The following GIGYF2 variants were observed in gnomAD, a reference collection of about 807,000 sequenced individuals.
GIGYF2 encodes the protein GRB10-interacting GYF protein 2.
In GIGYF2, 25 loss-of-function variants were observed where a neutral mutation model predicts 208.1. The ratio of observed to expected loss-of-function variants is 0.12; its 90% CI spans 0.09 to 0.17. The LOEUF is 0.17. Among genes scored for constraint, GIGYF2 ranks in the 10% least tolerant of loss-of-function variants. The pLI, the probability that GIGYF2 is intolerant of heterozygous loss-of-function variation, is 1.00. For missense variants in GIGYF2, 1,302 were observed against 1,579.4 expected (o/e 0.82, Z 2.98); for synonymous variants, 534 against 543.8 (o/e 0.98, Z 0.25).
At chr2:232,734,109 C>CTT (rs35593823) in intron 2 of GIGYF2, among the ~76,000 whole-genome samples, 11,268 of 122,346 alleles carry the variant, frequency 0.092, 708 homozygotes, top group South Asian at 0.29. Context: ...TATTTTAAAA[C>CTT]TTTTTTTTTT....
At chr2:232,777,543 G>A (rs1699563802) in intron 8 of GIGYF2, among the ~76,000 whole-genome samples, 1 of 152,046 alleles carries the variant, frequency 6.6e-6, no homozygotes, top group Non-Finnish European at 1.5e-5. Flanking sequence ...GGCCTGCTGG[G>A]AAAATTATTA....
chr2:232,846,403 A>G (rs773163434), intron 26 of GIGYF2, among the ~76,000 whole-genome samples: 9 of 152,196 alleles, frequency 5.9e-5, no homozygotes, highest in South Asian at 4.1e-4. Flanking sequence ...AAACTTGCTC[A>G]TGGTTAGCTG....
intron 14 of GIGYF2, among the ~76,000 whole-genome samples, chr2:232,797,384 C>G (rs895915938): frequency 6.6e-6 from 1 of 152,128 alleles, no homozygotes; most frequent in African/African-American, 2.4e-5. Context: ...CTTGCACTCT[C>G]AATCCCCTTA....
At chr2:232,737,820 A>G (rs1046699689) in intron 3 of GIGYF2, among the ~76,000 whole-genome samples, 15 of 152,048 alleles carry the variant, frequency 9.9e-5, no homozygotes, top group Non-Finnish European at 2.1e-4. Context: ...AAATGAAGCA[A>G]TTTATTTGTA....
At chr2:232,840,120 TG>T in intron 23 of GIGYF2, 149 bp downstream of exon 23, 1 of 841,274 alleles carries the variant, frequency 1.2e-6, no homozygotes. Context: ...GCCCATAATT[TG>T]GTTACCCTAG....
chr2:232,749,196 T>A (rs1007954909), intron 5 of GIGYF2, 114 bp downstream of exon 5: 1 of 749,474 alleles, frequency 1.3e-6, no homozygotes, highest in African/African-American at 1.7e-5. Context: ...ATAGGTCTGC[T>A]TTCTTCTATT....
intron 8 of GIGYF2, among the ~76,000 whole-genome samples, chr2:232,777,025 A>C (rs549781035): frequency 1.2e-4 from 18 of 151,826 alleles, no homozygotes; most frequent in African/African-American, 4.3e-4. Context: ...TTTTCTTCTC[A>C]TGTCTCATCA....
At position 232,787,131 on chromosome 2, in the gene GIGYF2, C is replaced by A. The variant is rs909013099; in HGVS notation, c.533-19C>A. 1 of 1,581,504 alleles carries A rather than the reference C, an allele frequency of 6.3e-7. No homozygotes were observed. Among genetic ancestry groups the A allele is most frequent in the Admixed American group, 1.7e-5 (1 of 59,944 alleles). On this transcript the variant is annotated intron_variant, in intron 8 of 28. Transcript: ENST00000373563. The stretch of plus-strand genomic sequence containing the variant: ...CTGGCAGAGGCTCATGTTTACTTAC[C>A]ATATTATTTTCTTTATAGGGAGACC...
intron 8 of GIGYF2, among the ~76,000 whole-genome samples, chr2:232,776,179 C>T (rs1400756229): frequency 3.2e-4 from 49 of 151,816 alleles, no homozygotes; most frequent in Admixed American, 3.2e-3. Context: ...AGGCCTTTAT[C>T]CTCTACTGAT....
At chr2:232,843,181 G>GTGTA (rs1553538114) in intron 23 of GIGYF2, 4 of 146,502 alleles carry the variant, frequency 2.7e-5, no homozygotes, top group African/African-American at 1.0e-4. Flanking sequence ...GTGTGTGTGT[G>GTGTA]TATAATCTGT....
chr2:232,747,943 C>T (rs761886860), intron 4 of GIGYF2, among the ~76,000 whole-genome samples, 199 bp downstream of exon 4: 1 of 152,166 alleles, frequency 6.6e-6, no homozygotes, highest in African/African-American at 2.4e-5. Flanking sequence ...TTTTAGGCAG[C>T]TTCATGGAAA....
intron 9 of GIGYF2, among the ~76,000 whole-genome samples, chr2:232,790,477 A>G: frequency 6.6e-6 from 1 of 152,136 alleles, no homozygotes; most frequent in Non-Finnish European, 1.5e-5. Flanking sequence ...GCTTTAGAGT[A>G]TGTTGCCTGG....
intron 14 of GIGYF2, among the ~76,000 whole-genome samples, chr2:232,798,074 C>G (rs530927448): frequency 6.6e-6 from 1 of 151,870 alleles, no homozygotes; most frequent in African/African-American, 2.4e-5. Flanking sequence ...CTGAGCTTCC[C>G]TTCTACCCCA....
At chr2:232,798,152 G>A (rs1700284056) in intron 14 of GIGYF2, among the ~76,000 whole-genome samples, 1 of 152,116 alleles carries the variant, frequency 6.6e-6, no homozygotes, top group South Asian at 2.1e-4. Flanking sequence ...TTGCAAGAAT[G>A]GAATGGAATC....
intron 18 of GIGYF2, among the ~76,000 whole-genome samples, chr2:232,813,976 C>T (rs1010690468): frequency 1.4e-5 from 2 of 147,826 alleles, no homozygotes; most frequent in African/African-American, 5.0e-5. Flanking sequence ...CAACCTCTGC[C>T]TCCTGGGTTC....
chr2:232,791,303 C>G lies in GIGYF2; in HGVS notation c.1139C>G (p.Pro380Arg). 6.2e-7 allele frequency: 1 copy of G among 1,614,000 alleles called. No individual in the cohort carries two copies. Among genetic ancestry groups the G allele is most frequent in the South Asian group, 1.1e-5 (1 of 91,080 alleles). ...CAGACCTCATCATCATCTGCTAGACCAGGTACTCCTTCAGACCATCAGTCT... is the reference window on the plus strand; with the variant it reads ...CAGACCTCATCATCATCTGCTAGACGAGGTACTCCTTCAGACCATCAGTCT... ...TPQTSSSSAR[P>R]GTPSDHQSQE... Residue 380 changes from proline to arginine, a missense_variant, in exon 12 of 29, where the codon CCA becomes CGA. Transcript: ENST00000373563.
intron 5 of GIGYF2, among the ~76,000 whole-genome samples, chr2:232,755,070 ACAT>A (rs1698481695): frequency 6.6e-6 from 1 of 152,218 alleles, no homozygotes; most frequent in Non-Finnish European, 1.5e-5. Context: ...GGTGGTATAG[ACAT>A]CATATTTCAG....
intron 5 of GIGYF2, among the ~76,000 whole-genome samples, chr2:232,751,001 G>A (rs1015048150): frequency 4.6e-5 from 7 of 151,772 alleles, no homozygotes; most frequent in African/African-American, 1.5e-4. Flanking sequence ...GGCTAGTTTC[G>A]TTTTTTGTAG....
chr2:232,718,934 A>G (rs1459953909), intron 2 of GIGYF2: 3 of 151,186 alleles, frequency 2.0e-5, no homozygotes, highest in African/African-American at 7.3e-5. Context: ...TCCATCCCAA[A>G]TTTTGCCATA....
Sources: gnomAD v4.1 joint callset for allele counts (sites outside exome capture counted in the v4.1 genomes callset) on GRCh38, gnomAD v4.1.1 for gene constraint, MANE v1.5 for transcripts, NCBI Gene and HGNC (gene_info 2026-07-23, HGNC 2026-07-21) for gene names.